Variants in AGL observed in about 807,000 individuals in gnomAD.
The protein encoded by AGL is glycogen debranching enzyme.
In AGL, 128 loss-of-function variants were observed where a neutral mutation model predicts 199.3. The observed-to-expected ratio is 0.64, with a 90% confidence interval of 0.56 to 0.74. The LOEUF (loss-of-function observed/expected upper bound fraction) is 0.74, where lower values mean the gene tolerates loss of function less well. Ranked by LOEUF, AGL falls within the 30% of genes least tolerant of loss-of-function variation. AGL has a pLI of 0.00. For synonymous variants in AGL, 584 were observed against 594.7 expected (o/e 0.98, Z 0.26); for missense variants, 1,809 against 1,820.8 (o/e 0.99, Z 0.12).
rs1157670307 is a variant in AGL at position 99,922,412 on chromosome 1, AAG to A, written c.*763_*764del. 6.6e-6 allele frequency: 1 copy of A among 151,814 alleles called. No individual in the cohort carries two copies. The highest frequency in any genetic ancestry group is 1.5e-5 in the Non-Finnish European group (1 of 67,826). The allele number at this position is 151,814 out of a possible 1,614,324, so 9.4% of individuals were successfully genotyped here. On this transcript the variant is annotated 3_prime_UTR_variant, in exon 34 of 34. Transcript: ENST00000361915. ...CATATTTCTAGAACTTTAAAGAAAA[AAG>A]AATGTTATATTAGTTTTCTAAAACT...
At chr1:99,849,542 GT>G (rs1473955457), upstream of AGL, among the ~76,000 whole-genome samples, 1 of 152,006 alleles carries the variant, frequency 6.6e-6, no homozygotes, top group African/African-American at 2.4e-5. Flanking sequence ...CCCGGACACC[GT>G]TAAGTATCAG....
At position 99,881,561 on chromosome 1, in the gene AGL, TGAA is replaced by T. The variant is rs1652029472; in HGVS notation, c.2181_2183del (p.Glu727del). 4.3e-6 allele frequency: 7 copies of T among 1,613,972 alleles called. No individual in the cohort carries two copies. Among genetic ancestry groups the T allele is most frequent in the Non-Finnish European group, 5.1e-6 (6 of 1,179,924 alleles). On this transcript the variant is annotated inframe_deletion, in exon 17 of 34. Coordinates refer to ENST00000361915, the MANE Select transcript of AGL (RefSeq NM_000642.3). Reference sequence around the variant, plus strand: ...CTCAGGTGTATGTGGATCAAGTTGATGAAGACATAGTGGCAGTAACAAGACACT... The same window carrying T: ...CTCAGGTGTATGTGGATCAAGTTGATGACATAGTGGCAGTAACAAGACACT...
chr1:99,920,745 T>C (rs1655459889), intron 33 of AGL, among the ~76,000 whole-genome samples: 1 of 152,188 alleles, frequency 6.6e-6, no homozygotes, highest in Non-Finnish European at 1.5e-5. Flanking sequence ...ATACAAACCA[T>C]AGTAATGAAA....
intron 4 of AGL, among the ~76,000 whole-genome samples, chr1:99,863,947 A>G (rs926595195): frequency 6.6e-6 from 1 of 152,072 alleles, no homozygotes; most frequent in Non-Finnish European, 1.5e-5. Context: ...TGATCTCAAT[A>G]TTAATTTTCT....
chr1:99,888,271 T>G (rs530246607), intron 21 of AGL, among the ~76,000 whole-genome samples, 163 bp downstream of exon 21: 3 of 152,082 alleles, frequency 2.0e-5, no homozygotes, highest in Admixed American at 6.6e-5. Context: ...ATAACCTCTT[T>G]GTGTGCCAAT....
intron 7 of AGL, chr1:99,874,448 GT>G: frequency 2.5e-6 from 1 of 404,614 alleles, no homozygotes; most frequent in East Asian, 4.4e-5. Context: ...TTTCTTTTAT[GT>G]TATTTTTGTC....
Position 99,861,608 on chromosome 1 carries a change from G to T in AGL, c.188G>T (p.Arg63Leu). The T allele has an allele frequency of 6.2e-7, 1 of 1,613,802 alleles. No individual in the cohort carries two copies. Reference protein sequence around the residue: ...PGETFNREKFRSLDWENPTER... With the variant: ...PGETFNREKFLSLDWENPTER... Reference sequence around the variant, plus strand: ...GAAACATTTAATAGAGAAAAATTCCGTTCTCTGGATTGGGAAAATCCAACA... The same window carrying T: ...GAAACATTTAATAGAGAAAAATTCCTTTCTCTGGATTGGGAAAATCCAACA... The change falls in exon 3 of 34, where the codon CGT becomes CTT. Residue 63 changes from arginine (R) to leucine (L), a missense_variant. By Grantham distance (102) the Arg-to-Leu change is moderately radical (BLOSUM62 -2). Transcript: ENST00000361915.
chr1:99,920,705 A>G (rs978555654), intron 33 of AGL, among the ~76,000 whole-genome samples: 1 of 152,242 alleles, frequency 6.6e-6, no homozygotes, highest in African/African-American at 2.4e-5. Context: ...TTTGATGCCC[A>G]CTGAAGCGTG....
chr1:99,920,843 T>A (rs1655468087), intron 33 of AGL, among the ~76,000 whole-genome samples: 1 of 152,172 alleles, frequency 6.6e-6, no homozygotes, highest in Non-Finnish European at 1.5e-5. Flanking sequence ...AGGGATTACA[T>A]TGAAATTAAC....
In AGL at chr1:99,896,457, T is replaced by G. The variant is rs1167881932; in HGVS notation, c.3362+69T>G. ...ATGTCTTTTACATGCTCTTCAAACT[T>G]TCCTTCTTGTCCATCTTTTCTTAAC... On this transcript the variant is annotated intron_variant, in intron 25 of 33. Coordinates refer to ENST00000361915, the MANE Select transcript of AGL (RefSeq NM_000642.3). 4 of 1,165,874 alleles carry G rather than the reference T, an allele frequency of 3.4e-6. No individual in the cohort carries two copies. In the Admixed American group the frequency reaches 5.1e-5, roughly 15 times the overall value. The allele number at this position is 1,165,874 out of a possible 1,614,324, so 72.2% of individuals were successfully genotyped here. A position where few individuals can be genotyped will look rare whatever the true frequency, so the allele number is the denominator to read the frequency against.
chr1:99,873,303 A>G (rs1651185268), intron 7 of AGL, among the ~76,000 whole-genome samples: 1 of 152,152 alleles, frequency 6.6e-6, no homozygotes, highest in Non-Finnish European at 1.5e-5. Flanking sequence ...GTATGGTAAT[A>G]TACAAAATAT....
intron 25 of AGL, among the ~76,000 whole-genome samples, chr1:99,899,510 T>TTC (rs200390058): frequency 1.2e-3 from 89 of 74,668 alleles, no homozygotes; most frequent in Non-Finnish European, 2.0e-3. Context: ...TTTGTTTTCT[T>TTC]TCTCTCTCTC....
intron 12 of AGL, among the ~76,000 whole-genome samples, chr1:99,878,358 TAATTA>T (rs1651728670): frequency 1.3e-5 from 2 of 151,792 alleles, no homozygotes; most frequent in South Asian, 4.2e-4. Context: ...ATAAATTAAT[TAATTA>T]AATTAAATAA....
Position 99,851,077 on chromosome 1 carries a change from T to G in AGL, c.35T>G (p.Leu12Arg). Residue 12 changes from leucine to arginine, a missense_variant, in exon 2 of 34, where the codon CTG becomes CGG. Physicochemically the swap from Leu to Arg is moderately radical, Grantham distance 102. Coordinates refer to ENST00000361915, the MANE Select transcript of AGL (RefSeq NM_000642.3). Reference protein sequence around the residue: ...GHSKQIRILLLNEMEKLEKTL... With the variant: ...GHSKQIRILLRNEMEKLEKTL... The stretch of plus-strand genomic sequence containing the variant: ...AGTAAACAGATTCGAATTTTACTTC[T>G]GAACGAAATGGAGAAACTGGAAAAG... 1 of 1,614,162 alleles carries G rather than the reference T, an allele frequency of 6.2e-7. No homozygotes were observed. Among genetic ancestry groups the G allele is most frequent in the Non-Finnish European group, 8.5e-7 (1 of 1,179,998 alleles).
chr1:99,918,424 C>T (rs914080956), intron 33 of AGL, among the ~76,000 whole-genome samples: 4 of 152,036 alleles, frequency 2.6e-5, no homozygotes, highest in Non-Finnish European at 4.4e-5. Flanking sequence ...TTCTGGGTTG[C>T]TTTTGCTTGT....
intron 27 of AGL, among the ~76,000 whole-genome samples, chr1:99,903,797 G>A (rs950895241): frequency 6.6e-6 from 1 of 152,128 alleles, no homozygotes; most frequent in Non-Finnish European, 1.5e-5. Context: ...TCCAGCACCT[G>A]TTGTTTCCTG....
At chr1:99,870,231 C>T (rs891595152) in intron 5 of AGL, among the ~76,000 whole-genome samples, 169 bp from the exon 6 acceptor site, 8 of 151,684 alleles carry the variant, frequency 5.3e-5, no homozygotes, top group African/African-American at 1.5e-4. Flanking sequence ...GATAGGATAC[C>T]ATAACCAAAG....
At chr1:99,915,849 A>G (rs894765273) in intron 31 of AGL, among the ~76,000 whole-genome samples, 2 of 152,112 alleles carry the variant, frequency 1.3e-5, no homozygotes, top group African/African-American at 4.8e-5. Flanking sequence ...CTCCAAAAAA[A>G]GAAAAGTAAC....
chr1:99,900,633 T>C lies in AGL; in HGVS notation c.3363-3T>C. ...TCTGATCCACTTAATTCTGTTGTTT[T>C]AGGAATATTATTTTAGCATTTGCGG... On this transcript the variant is annotated splice_polypyrimidine_tract_variant and splice_region_variant and intron_variant, in intron 25 of 33. Coordinates refer to ENST00000361915, the MANE Select transcript of AGL (RefSeq NM_000642.3). 2 of 1,612,162 alleles carry C rather than the reference T, an allele frequency of 1.2e-6. No homozygotes were observed. The highest frequency in any genetic ancestry group is 1.7e-6 in the Non-Finnish European group (2 of 1,178,188).
Sources: allele counts gnomAD v4.1 joint callset (sites outside exome capture counted in the v4.1 genomes callset), GRCh38; gene constraint gnomAD v4.1.1; transcripts MANE v1.5; gene names NCBI Gene and HGNC (gene_info 2026-07-23, HGNC 2026-07-21).